SLC9B1: variants seen among roughly 807,000 people sequenced by gnomAD.
The protein encoded by SLC9B1 is solute carrier family 9 member B1, also known as sodium/hydrogen exchanger 9B1.
Under a neutral mutation model 51.7 loss-of-function variants are expected in SLC9B1, and 32 were observed. The ratio of observed to expected loss-of-function variants is 0.62; its 90% CI spans 0.47 to 0.83. SLC9B1 has a LOEUF of 0.83. Among genes scored for constraint, SLC9B1 ranks in the 40% least tolerant of loss-of-function variants. The probability of loss-of-function intolerance (pLI) is 0.00; values close to 1 mark genes in which losing one functional copy is unlikely to be tolerated. For missense variants in SLC9B1, 406 were observed against 613.2 expected (o/e 0.66, Z 3.57); for synonymous variants, 145 against 212.7 (o/e 0.68, Z 2.77).
chr4:102,989,774 T>C, intron 3 of SLC9B1, 26 bp downstream of exon 3: 1 of 1,483,952 alleles, frequency 6.7e-7, no homozygotes, highest in Non-Finnish European at 9.2e-7. Flanking sequence ...CATCTTCTCT[T>C]CATTTACATT....
At chr4:102,948,374 T>G (rs1209923084) in intron 4 of SLC9B1, among the ~76,000 whole-genome samples, 1 of 140,686 alleles carries the variant, frequency 7.1e-6, no homozygotes, top group East Asian at 2.1e-4. Context: ...ACACTACTGG[T>G]CAATATCCCT....
At position 102,902,472 on chromosome 4, in the gene SLC9B1, T is replaced by C. The variant is rs1241605373; in HGVS notation, c.1333-1140A>G. Reference sequence around the variant, plus strand: ...AAAGATAATCATGCAGAAAACCAACTTGAAAGAATCTTACAGTTTAGAAGA... The same window carrying C: ...AAAGATAATCATGCAGAAAACCAACCTGAAAGAATCTTACAGTTTAGAAGA... On this transcript the variant is annotated intron_variant, in intron 11 of 11. Transcript: ENST00000296422. Among the ~76,000 whole-genome samples the C allele has an allele frequency of 2.0e-5, 3 of 152,136 alleles. No homozygotes were observed. The East Asian group carries it at 5.8e-4, about 29-fold the overall frequency.
At chr4:102,885,858 T>C (rs148656889) in intron 11 of SLC9B1, among the ~76,000 whole-genome samples, 3 of 152,320 alleles carry the variant, frequency 2.0e-5, no homozygotes, top group Admixed American at 2.0e-4. Context: ...ACATTACATA[T>C]CTTTGAGAAG....
Position 102,901,002 on chromosome 4 carries a change from T to C in SLC9B1, c.*115A>G. 3.9e-6 allele frequency: 6 copies of C among 1,523,118 alleles called. No individual in the cohort carries two copies. In the South Asian group the frequency reaches 6.0e-5, roughly 15 times the overall value. 94.4% of individuals were successfully genotyped at this position (1,523,118 alleles called of 1,614,324 possible). A position where few individuals can be genotyped will look rare whatever the true frequency, so the allele number is the denominator to read the frequency against. On this transcript the variant is annotated 3_prime_UTR_variant, in exon 12 of 12. Transcript: ENST00000296422. ...AGAAAAGCCCTGTACTGAAATCACA[T>C]GTTTACTAAATCCTGGATTCTCTGT... is the stretch of plus-strand genomic sequence containing the variant.
At chr4:102,921,894 C>A (rs1735898978) in intron 7 of SLC9B1, among the ~76,000 whole-genome samples, 1 of 152,122 alleles carries the variant, frequency 6.6e-6, no homozygotes, top group African/African-American at 2.4e-5. Flanking sequence ...AATACAAGAG[C>A]ACCCAGATTC....
At chr4:102,970,511 C>G (rs1738700474) in intron 3 of SLC9B1, among the ~76,000 whole-genome samples, 1 of 152,158 alleles carries the variant, frequency 6.6e-6, no homozygotes, top group South Asian at 2.1e-4. Context: ...AAAGTAATAA[C>G]CAGTACCAGC....
In SLC9B1 at chr4:102,918,551, G is replaced by A. The variant is rs553282591; in HGVS notation, c.830-7014C>T. On this transcript the variant is annotated intron_variant, in intron 7 of 11. Coordinates refer to ENST00000296422, the MANE Select transcript of SLC9B1 (RefSeq NM_139173.4). Reference sequence around the variant, plus strand: ...GTTTATGTTCTCCCAATATTCATATGCTGGAGCCTAATATTCAATGTGATA... The same window carrying A: ...GTTTATGTTCTCCCAATATTCATATACTGGAGCCTAATATTCAATGTGATA... Among the ~76,000 whole-genome samples, 22 of 152,310 alleles carry A rather than the reference G, an allele frequency of 1.4e-4. No individual in the cohort carries two copies. In the South Asian group the frequency reaches 4.6e-3, roughly 32 times the overall value.
At chr4:102,915,790 AT>A (rs1735549628) in intron 7 of SLC9B1, among the ~76,000 whole-genome samples, 1 of 152,362 alleles carries the variant, frequency 6.6e-6, no homozygotes, top group African/African-American at 2.4e-5. Context: ...TGTGACACTG[AT>A]AACAAAGTGA....
intron 1 of SLC9B1, among the ~76,000 whole-genome samples, chr4:103,009,019 T>G (rs1020405027): frequency 2.6e-5 from 4 of 152,064 alleles, no homozygotes; most frequent in Non-Finnish European, 5.9e-5. Context: ...AGGATGGTTT[T>G]GATCTCCTGA....
intron 11 of SLC9B1, chr4:102,890,301 C>T (rs776228466): frequency 6.6e-6 from 1 of 152,182 alleles, no homozygotes; most frequent in African/African-American, 2.4e-5. Flanking sequence ...TATAGTACTA[C>T]CTTCCTCATT....
intron 3 of SLC9B1, among the ~76,000 whole-genome samples, chr4:102,960,480 A>C (rs1222600088): frequency 6.6e-6 from 1 of 152,086 alleles, no homozygotes; most frequent in Non-Finnish European, 1.5e-5. Flanking sequence ...TTTATATTTT[A>C]AAATAGCAAA....
intron 3 of SLC9B1, among the ~76,000 whole-genome samples, chr4:102,985,582 G>A (rs984240702): frequency 2.6e-4 from 40 of 151,668 alleles, no homozygotes; most frequent in African/African-American, 8.2e-4. Context: ...GGAGTGCAGC[G>A]GTGTGATCTC....
At chr4:102,929,517 G>A (rs1428333548) in intron 7 of SLC9B1, among the ~76,000 whole-genome samples, 2 of 152,002 alleles carry the variant, frequency 1.3e-5, no homozygotes, top group Non-Finnish European at 2.9e-5. Flanking sequence ...GCAAAAGGAA[G>A]AGGAATTTTT....
Position 102,885,372 on chromosome 4 carries a change from A to G in SLC9B1, c.1333-44T>C. ...AATCCGAAAGTAGTGAATGAAATAA[A>G]CATTGAAGATTTGTGTCTTACTAAA... On this transcript the variant is annotated intron_variant, in intron 11 of 11. Coordinates refer to the SLC9B1 transcript ENST00000394789. The G allele has an allele frequency of 6.2e-7, 1 of 1,614,150 alleles. No individual in the cohort carries two copies. Among genetic ancestry groups the G allele is most frequent in the Non-Finnish European group, 8.5e-7 (1 of 1,179,978 alleles).
chr4:102,915,217 C>G (rs1342204583), intron 7 of SLC9B1, among the ~76,000 whole-genome samples: 1 of 152,128 alleles, frequency 6.6e-6, no homozygotes, highest in African/African-American at 2.4e-5. Flanking sequence ...TTGATCACCA[C>G]TAGACCTACC....
intron 11 of SLC9B1, among the ~76,000 whole-genome samples, chr4:102,901,811 G>A (rs1734805873): frequency 6.6e-6 from 1 of 152,194 alleles, no homozygotes; most frequent in African/African-American, 2.4e-5. Context: ...ACTGACAGCA[G>A]GCTTGGAATC....
intron 3 of SLC9B1, among the ~76,000 whole-genome samples, chr4:102,969,489 T>C (rs1738628936): frequency 6.6e-6 from 1 of 152,042 alleles, no homozygotes; most frequent in African/African-American, 2.4e-5. Context: ...TAGGTCACCA[T>C]CATCAAAGAC....
chr4:102,900,220 T>G (rs144481307), downstream of SLC9B1, among the ~76,000 whole-genome samples: 953 of 152,308 alleles, frequency 6.3e-3, 12 homozygotes, highest in African/African-American at 0.022. Context: ...TTAGAATCGT[T>G]TATATGACTC....
At chr4:102,969,617 A>G (rs2110497216) in intron 3 of SLC9B1, among the ~76,000 whole-genome samples, 1 of 152,344 alleles carries the variant, frequency 6.6e-6, no homozygotes, top group Middle Eastern at 3.4e-3. Flanking sequence ...GCAATGGAAC[A>G]AAGCTGGATG....
Sources: gnomAD v4.1 joint callset for allele counts (sites outside exome capture counted in the v4.1 genomes callset) on GRCh38, gnomAD v4.1.1 for gene constraint, MANE v1.5 for transcripts, NCBI Gene and HGNC (gene_info 2026-07-23, HGNC 2026-07-21) for gene names.